SPOPL: variants seen among roughly 807,000 people sequenced by gnomAD.
The protein encoded by SPOPL is speckle type BTB/POZ protein like, also known as speckle-type POZ protein-like.
A neutral mutation model predicts 53.8 loss-of-function variants in SPOPL; 23 were observed. The observed-to-expected ratio is 0.43, with a 90% CI of 0.31 to 0.61. The LOEUF (loss-of-function observed/expected upper bound fraction) is 0.61, where lower values mean the gene tolerates loss of function less well. Among genes scored for constraint, SPOPL ranks in the 20% least tolerant of loss-of-function variants. The pLI is 0.12. For missense variants in SPOPL, 442 were observed against 466.9 expected (o/e 0.95, Z 0.49); for synonymous variants, 164 against 149.7 (o/e 1.10, Z -0.70).
chr2:138,508,961 A>G (rs1332424900), intron 1 of SPOPL, among the ~76,000 whole-genome samples: 3 of 151,994 alleles, frequency 2.0e-5, no homozygotes, highest in South Asian at 2.1e-4. Context: ...CCTGTTTGGT[A>G]TTCTTTATAC....
At chr2:138,564,659 G>A (rs1333363232) in intron 8 of SPOPL, 49 bp from the exon 9 acceptor site, 1 of 1,600,516 alleles carries the variant, frequency 6.2e-7, no homozygotes, top group Non-Finnish European at 8.5e-7. Flanking sequence ...ATGTATTCAG[G>A]AACTTAGTTG....
intron 1 of SPOPL, among the ~76,000 whole-genome samples, chr2:138,537,516 C>G (rs1341187509): frequency 6.6e-6 from 1 of 152,224 alleles, no homozygotes; most frequent in African/African-American, 2.4e-5. Context: ...ATCGGGCTGT[C>G]TGCCTGTGGA....
intron 8 of SPOPL, 95 bp from the exon 9 acceptor site, chr2:138,564,613 C>G: frequency 7.8e-7 from 1 of 1,289,426 alleles, no homozygotes; most frequent in South Asian, 1.7e-5. Context: ...AAATAATAAT[C>G]TATTTTACCC....
chr2:138,535,211 A>G (rs1027508560), intron 1 of SPOPL, among the ~76,000 whole-genome samples: 7 of 152,254 alleles, frequency 4.6e-5, no homozygotes, highest in African/African-American at 1.7e-4. Flanking sequence ...CCACATTTTA[A>G]AAATTCATTT....
rs958956847 is a variant in SPOPL at position 138,559,477 on chromosome 2, G to A, written c.714+140G>A. On this transcript the variant is annotated intron_variant, in intron 7 of 10. Coordinates refer to ENST00000280098, the MANE Select transcript of SPOPL (RefSeq NM_001001664.3). ...ATTTTTACAAACAGGAAAAAAATGT[G>A]TTCTATAATAGAACAATAGATGTAG... is the stretch of plus-strand genomic sequence containing the variant. 4.4e-5 allele frequency: 35 copies of A among 803,888 alleles called. No homozygotes were observed. In the East Asian group the frequency reaches 5.7e-4, roughly 13 times the overall value. The allele number at this position is 803,888 out of a possible 1,614,324, so 49.8% of individuals were successfully genotyped here.
chr2:138,544,589 A>G (rs931441019), intron 1 of SPOPL, among the ~76,000 whole-genome samples: 3 of 152,194 alleles, frequency 2.0e-5, no homozygotes, highest in Non-Finnish European at 2.9e-5. Flanking sequence ...GGAAAAGCAC[A>G]GTATTAGGGT....
chr2:138,555,559 C>T (rs1009034570), intron 5 of SPOPL, among the ~76,000 whole-genome samples: 1 of 152,084 alleles, frequency 6.6e-6, no homozygotes, highest in Non-Finnish European at 1.5e-5. Flanking sequence ...AAAAGTTTCT[C>T]ACTTTGGAGC....
intron 1 of SPOPL, among the ~76,000 whole-genome samples, chr2:138,516,207 C>T (rs949552886): frequency 2.6e-5 from 4 of 151,860 alleles, no homozygotes; most frequent in African/African-American, 7.3e-5. Flanking sequence ...AGGATGGTTG[C>T]GGTAAAAGAA....
intron 1 of SPOPL, among the ~76,000 whole-genome samples, chr2:138,548,579 C>T (rs548903723): frequency 1.7e-4 from 26 of 151,990 alleles, no homozygotes; most frequent in Non-Finnish European, 2.7e-4. Context: ...TAAAAAGTGG[C>T]TTTTTAATTT....
intron 1 of SPOPL, among the ~76,000 whole-genome samples, chr2:138,548,261 G>A (rs890227027): frequency 1.7e-5 from 1 of 57,488 alleles, no homozygotes; most frequent in African/African-American, 7.8e-5. Context: ...TTTTTTTTTG[G>A]TAATCATTCT....
chr2:138,528,206 AGG>A (rs1684719663), intron 1 of SPOPL, among the ~76,000 whole-genome samples: 1 of 152,162 alleles, frequency 6.6e-6, no homozygotes, highest in Non-Finnish European at 1.5e-5. Context: ...CCCTTGGGGA[AGG>A]GTAGAGCCCC....
chr2:138,532,262 C>CA (rs1204371093), intron 1 of SPOPL, among the ~76,000 whole-genome samples: 1 of 152,148 alleles, frequency 6.6e-6, no homozygotes, highest in African/African-American at 2.4e-5. Flanking sequence ...GCCGTAAGGC[C>CA]AACAGAATCT....
chr2:138,568,854 G>C, intron 10 of SPOPL, 82 bp from the exon 11 acceptor site: 1 of 1,450,122 alleles, frequency 6.9e-7, no homozygotes, highest in Non-Finnish European at 9.4e-7. Context: ...TTTGAAATTT[G>C]CAAGTTTTTA....
chr2:138,553,996 T>A (rs1051918069), intron 5 of SPOPL, among the ~76,000 whole-genome samples: 1 of 150,954 alleles, frequency 6.6e-6, no homozygotes, highest in Non-Finnish European at 1.5e-5. Flanking sequence ...GGCTATTTAA[T>A]CCAATTTTTA....
At chr2:138,539,070 G>A (rs182902912) in intron 1 of SPOPL, among the ~76,000 whole-genome samples, 1,858 of 152,232 alleles carry the variant, frequency 0.012, 40 homozygotes, top group South Asian at 0.052. Flanking sequence ...CCCTACAAAG[G>A]ACATGAACTC....
chr2:138,555,340 A>G (rs537080778), intron 5 of SPOPL, among the ~76,000 whole-genome samples: 4 of 152,312 alleles, frequency 2.6e-5, no homozygotes, highest in Non-Finnish European at 4.4e-5. Context: ...TTCAAATCAT[A>G]GCAGAGAGCC....
intron 1 of SPOPL, among the ~76,000 whole-genome samples, chr2:138,521,305 G>T (rs1050850105): frequency 6.6e-6 from 1 of 151,600 alleles, no homozygotes; most frequent in Non-Finnish European, 1.5e-5. Context: ...AGAATACATA[G>T]CCTGAAATGT....
At chr2:138,554,268 A>G (rs111269613) in intron 5 of SPOPL, among the ~76,000 whole-genome samples, 329 of 152,210 alleles carry the variant, frequency 2.2e-3, no homozygotes, top group African/African-American at 7.2e-3. Flanking sequence ...TAAAGTTGGC[A>G]TCAATCAGAT....
At chr2:138,553,538 GA>G (rs1000595885) in intron 5 of SPOPL, among the ~76,000 whole-genome samples, 32 of 152,052 alleles carry the variant, frequency 2.1e-4, no homozygotes, top group Admixed American at 2.1e-3. Flanking sequence ...GATTATCATG[GA>G]CAGATGAGTG....
Sources: gnomAD v4.1 joint callset for allele counts (sites outside exome capture counted in the v4.1 genomes callset) on GRCh38, gnomAD v4.1.1 for gene constraint, MANE v1.5 for transcripts, NCBI Gene and HGNC (gene_info 2026-07-23, HGNC 2026-07-21) for gene names.